Variants in PCDHA3 observed in about 807,000 individuals in gnomAD.
PCDHA3 encodes the protein protocadherin alpha 3, also known as protocadherin alpha-3.
PCDHA3 carries 41 observed loss-of-function variants against 62.2 expected under a neutral mutation model. The ratio of observed to expected loss-of-function variants is 0.66; its 90% CI spans 0.51 to 0.86. PCDHA3 has a LOEUF of 0.86. PCDHA3 is among the 40% of genes least tolerant of loss of function. PCDHA3 has a pLI of 0.00. For synonymous variants in PCDHA3, 640 were observed against 555.4 expected (o/e 1.15, Z -2.14); for missense variants, 1,304 against 1,241.2 (o/e 1.05, Z -0.76).
At position 140,802,769 on chromosome 5, in the gene PCDHA3, C is replaced by T. The variant is rs267600384; in HGVS notation, c.1572C>T (p.Asp524=). 1.9e-6 allele frequency: 3 copies of T among 1,612,988 alleles called. No homozygotes were observed. The highest frequency in any genetic ancestry group is 2.5e-6 in the Non-Finnish European group (3 of 1,179,866). ...AGGTGTACGCGCTGCAGCCGCTGGACCACGAGGAGCTAGAGCTGCTGCAGT... is the reference window on the plus strand; with the variant it reads ...AGGTGTACGCGCTGCAGCCGCTGGATCACGAGGAGCTAGAGCTGCTGCAGT... ...SGKVYALQPL[D]HEELELLQFQ... The change falls in exon 1 of 4, where the codon GAC becomes GAT. Residue 524 remains aspartate, a synonymous_variant. Transcript: ENST00000522353.
intron 1 of PCDHA3, among the ~76,000 whole-genome samples, chr5:140,921,353 A>T (rs943655623): frequency 6.6e-6 from 1 of 152,160 alleles, no homozygotes; most frequent in Non-Finnish European, 1.5e-5. Context: ...ATATTTGCCT[A>T]TATTCAAGTT....
At chr5:140,818,754 C>T (rs2150102291) in intron 1 of PCDHA3, among the ~76,000 whole-genome samples, 1 of 152,194 alleles carries the variant, frequency 6.6e-6, no homozygotes, top group Non-Finnish European at 1.5e-5. Context: ...TGGAGGATGG[C>T]TTGAGCCTGA....
At chr5:140,902,895 T>C (rs1554190698) in intron 1 of PCDHA3, among the ~76,000 whole-genome samples, 1 of 152,222 alleles carries the variant, frequency 6.6e-6, no homozygotes, top group Non-Finnish European at 1.5e-5. Flanking sequence ...TATTATTTTA[T>C]TTAGTTTATG....
chr5:141,001,849 T>C (rs889682000), intron 3 of PCDHA3, among the ~76,000 whole-genome samples: 5 of 151,704 alleles, frequency 3.3e-5, no homozygotes, highest in African/African-American at 7.3e-5. Context: ...GAGAGAGAGG[T>C]TGATTAAATT....
chr5:140,949,976 TACTTA>T (rs2094437494), intron 1 of PCDHA3, among the ~76,000 whole-genome samples: 1 of 151,940 alleles, frequency 6.6e-6, no homozygotes, highest in Admixed American at 6.6e-5. Flanking sequence ...ACAGCATACA[TACTTA>T]ACTTTTCTCA....
chr5:140,836,700 A>C, intron 1 of PCDHA3: 1 of 1,613,438 alleles, frequency 6.2e-7, no homozygotes, highest in Non-Finnish European at 8.5e-7. Context: ...CATGGCCTTC[A>C]GTCCCAGCCT....
At chr5:140,962,171 G>A (rs1218733161) in intron 1 of PCDHA3, among the ~76,000 whole-genome samples, 3 of 151,902 alleles carry the variant, frequency 2.0e-5, no homozygotes, top group Non-Finnish European at 4.4e-5. Context: ...CACCACACCC[G>A]GCCACTTATA....
At chr5:140,839,779 T>A (rs1475940680) in intron 1 of PCDHA3, among the ~76,000 whole-genome samples, 1 of 152,032 alleles carries the variant, frequency 6.6e-6, no homozygotes, top group Non-Finnish European at 1.5e-5. Context: ...TGGTAAGAAT[T>A]TTGTAGAAAT....
intron 1 of PCDHA3, chr5:140,967,414 C>T: frequency 6.2e-7 from 1 of 1,613,156 alleles, no homozygotes; most frequent in African/African-American, 1.3e-5. Context: ...AGGGCCTAGA[C>T]CGGGAGCAGG....
At chr5:140,948,106 T>A (rs1383733772) in intron 1 of PCDHA3, among the ~76,000 whole-genome samples, 1 of 151,652 alleles carries the variant, frequency 6.6e-6, no homozygotes, top group Non-Finnish European at 1.5e-5. Context: ...TGATTTTTCT[T>A]CGTTTTACTA....
At chr5:140,835,811 T>G (rs2150245385) in intron 1 of PCDHA3, 44 of 1,612,792 alleles carry the variant, frequency 2.7e-5, no homozygotes, top group African/African-American at 9.3e-5. Flanking sequence ...ACATCTTCAC[T>G]GTGTCGGCGG....
chr5:140,900,271 G>A (rs1055315411), intron 1 of PCDHA3, among the ~76,000 whole-genome samples: 2 of 151,762 alleles, frequency 1.3e-5, no homozygotes, highest in Non-Finnish European at 2.9e-5. Flanking sequence ...TTGTGTATAT[G>A]TACCACACTT....
At chr5:140,838,599 C>T (rs1240521392) in intron 1 of PCDHA3, among the ~76,000 whole-genome samples, 1 of 151,906 alleles carries the variant, frequency 6.6e-6, no homozygotes, top group African/African-American at 2.4e-5. Context: ...ACCGAATTGT[C>T]TAGACTTTTA....
Position 140,829,888 on chromosome 5 carries a change from C to G in PCDHA3, c.2394+26297C>G, listed in dbSNP as rs150204488. 7.0e-4 allele frequency: 1,137 copies of G among 1,613,910 alleles called. 4 individuals carry two copies. In the African/African-American group the frequency reaches 7.9e-3, roughly 11 times the overall value. On this transcript the variant is annotated intron_variant, in intron 1 of 3. Transcript: ENST00000522353. ...TGGCGAAGGTGCGCGCAGTTGACGCCGACTCAGGCTACAACGCGTGGCTTT... is the reference window on the plus strand; with the variant it reads ...TGGCGAAGGTGCGCGCAGTTGACGCGGACTCAGGCTACAACGCGTGGCTTT...
intron 1 of PCDHA3, chr5:140,856,667 C>T: frequency 6.3e-7 from 1 of 1,597,938 alleles, no homozygotes; most frequent in Non-Finnish European, 8.6e-7. Context: ...AAATCCTCAG[C>T]TAAAGTTGTT....
intron 1 of PCDHA3, chr5:140,883,245 G>A (rs267600403): frequency 6.2e-7 from 1 of 1,613,898 alleles, no homozygotes; most frequent in Non-Finnish European, 8.5e-7. Flanking sequence ...GTTGACAAAG[G>A]AAATATTCCA....
At chr5:140,984,013 A>G (rs1258063909) in intron 3 of PCDHA3, among the ~76,000 whole-genome samples, 1 of 152,234 alleles carries the variant, frequency 6.6e-6, no homozygotes, top group Non-Finnish European at 1.5e-5. Context: ...TAATATTGCC[A>G]GATTGCAAGG....
chr5:140,999,066 T>G (rs2097845533), intron 3 of PCDHA3, among the ~76,000 whole-genome samples: 1 of 152,214 alleles, frequency 6.6e-6, no homozygotes, highest in Admixed American at 6.5e-5. Flanking sequence ...CTAAGTAGTC[T>G]CCTTCACTTC....
chr5:140,961,694 G>A (rs1554225551), intron 1 of PCDHA3, among the ~76,000 whole-genome samples: 2 of 152,152 alleles, frequency 1.3e-5, no homozygotes, highest in Non-Finnish European at 2.9e-5. Flanking sequence ...GTAGTCCTTA[G>A]TATGAATGCC....
Sources: allele counts gnomAD v4.1 joint callset (sites outside exome capture counted in the v4.1 genomes callset), GRCh38; gene constraint gnomAD v4.1.1; transcripts MANE v1.5; gene names NCBI Gene and HGNC (gene_info 2026-07-23, HGNC 2026-07-21).